The following SLC4A4 variants were observed in gnomAD, a reference collection of about 807,000 sequenced individuals.
SLC4A4 encodes the protein solute carrier family 4 member 4.
Under a neutral mutation model 111.5 loss-of-function variants are expected in SLC4A4, and 27 were observed. The ratio of observed to expected loss-of-function variants is 0.24; its 90% CI spans 0.18 to 0.33. The LOEUF (loss-of-function observed/expected upper bound fraction) is 0.33. Ranked by LOEUF, SLC4A4 falls within the 10% of genes least tolerant of loss-of-function variation. The pLI is 1.00. For missense variants in SLC4A4, 909 were observed against 1,315.5 expected, an observed-to-expected ratio of 0.69 and a Z score of 4.78; for synonymous variants, 443 against 463.4, an observed-to-expected ratio of 0.96 and a Z score of 0.57.
intron 7 of SLC4A4, among the ~76,000 whole-genome samples, chr4:71,418,383 A>G (rs1722011358): frequency 6.6e-6 from 1 of 152,216 alleles, no homozygotes. Flanking sequence ...AAGTAAAAAC[A>G]TGTCACCAGA....
chr4:71,097,225 T>C (rs1742583585), intron 2 of SLC4A4, among the ~76,000 whole-genome samples: 1 of 152,166 alleles, frequency 6.6e-6, no homozygotes, highest in South Asian at 2.1e-4. Context: ...CTCTTTGTGT[T>C]CATGAGTGCT....
chr4:71,452,066 T>C (rs980692564), intron 11 of SLC4A4, among the ~76,000 whole-genome samples: 1 of 147,314 alleles, frequency 6.8e-6, no homozygotes. Context: ...ATACTTATTT[T>C]ATGAAGATAT....
chr4:71,454,515 T>C (rs1177258925), intron 12 of SLC4A4, among the ~76,000 whole-genome samples: 1 of 152,142 alleles, frequency 6.6e-6, no homozygotes, highest in East Asian at 1.9e-4. Context: ...TTGTATAACC[T>C]ATGTGGTATT....
intron 3 of SLC4A4, chr4:71,300,437 G>T: frequency 4.2e-6 from 1 of 238,036 alleles, no homozygotes; most frequent in South Asian, 7.4e-5. Context: ...CAGCGGACAT[G>T]ACAGGAGCAG....
At chr4:71,512,426 G>C (rs1468386403) in intron 16 of SLC4A4, among the ~76,000 whole-genome samples, 1 of 151,982 alleles carries the variant, frequency 6.6e-6, no homozygotes, top group East Asian at 1.9e-4. Context: ...TATACCTGTT[G>C]GCTGTTACTG....
chr4:71,561,461 T>G (rs1279936086), intron 23 of SLC4A4, among the ~76,000 whole-genome samples: 1 of 151,830 alleles, frequency 6.6e-6, no homozygotes, highest in African/African-American at 2.4e-5. Flanking sequence ...TATTTCTAAC[T>G]GGTCAGGCTA....
intron 6 of SLC4A4, among the ~76,000 whole-genome samples, chr4:71,381,338 C>T (rs952523401): frequency 6.6e-5 from 10 of 152,092 alleles, no homozygotes; most frequent in African/African-American, 2.4e-4. Flanking sequence ...CCTGAGAGCA[C>T]CTTTGAATAA....
intron 7 of SLC4A4, among the ~76,000 whole-genome samples, chr4:71,419,602 C>A: frequency 6.6e-6 from 1 of 152,332 alleles, no homozygotes; most frequent in East Asian, 1.9e-4. Context: ...GTCTGTCACT[C>A]CTTTCTTTGA....
chr4:71,197,179 C>T (rs1052698898), intron 1 of SLC4A4, among the ~76,000 whole-genome samples: 1 of 151,822 alleles, frequency 6.6e-6, no homozygotes, highest in African/African-American at 2.4e-5. Flanking sequence ...CGCACCACTG[C>T]ACTCCAGCCT....
chr4:71,326,215 C>T (rs1273843286), intron 3 of SLC4A4, among the ~76,000 whole-genome samples: 2 of 151,888 alleles, frequency 1.3e-5, no homozygotes, highest in Middle Eastern at 3.4e-3. Context: ...TGATATCTAT[C>T]AGACTTACTT....
At chr4:71,382,980 G>A (rs1454660871) in intron 6 of SLC4A4, among the ~76,000 whole-genome samples, 1 of 152,048 alleles carries the variant, frequency 6.6e-6, no homozygotes, top group Non-Finnish European at 1.5e-5. Context: ...GCAGAAAATG[G>A]ATTTTTTTAA....
intron 13 of SLC4A4, among the ~76,000 whole-genome samples, chr4:71,472,345 C>T (rs111266991): frequency 6.0e-4 from 91 of 151,954 alleles, no homozygotes; most frequent in African/African-American, 1.9e-3. Flanking sequence ...CTCATACAAA[C>T]GTTTATTGAA....
chr4:71,445,039 T>C (rs1376411010), intron 8 of SLC4A4, among the ~76,000 whole-genome samples: 6 of 152,188 alleles, frequency 3.9e-5, no homozygotes, highest in Non-Finnish European at 8.8e-5. Context: ...AAAAATTGCA[T>C]TACCCAGGAA....
At chr4:71,106,209 T>A (rs11947603) in intron 2 of SLC4A4, among the ~76,000 whole-genome samples, 15 of 150,750 alleles carry the variant, frequency 1.0e-4, no homozygotes, top group African/African-American at 2.4e-4. Context: ...AATGCAAATC[T>A]AAACCACAAT....
intron 3 of SLC4A4, among the ~76,000 whole-genome samples, chr4:71,305,994 T>C (rs1490134675): frequency 6.6e-6 from 1 of 152,250 alleles, no homozygotes; most frequent in Admixed American, 6.5e-5. Context: ...TTGAGTGCAG[T>C]GTCCAACACA....
intron 17 of SLC4A4, among the ~76,000 whole-genome samples, chr4:71,532,760 A>G (rs558062309): frequency 6.6e-6 from 1 of 152,262 alleles, no homozygotes; most frequent in East Asian, 1.9e-4. Flanking sequence ...TTGAAGCTCA[A>G]AGAATTAAGT....
intron 16 of SLC4A4, among the ~76,000 whole-genome samples, chr4:71,508,681 C>G (rs1335774540): frequency 6.6e-6 from 1 of 152,078 alleles, no homozygotes; most frequent in Non-Finnish European, 1.5e-5. Context: ...ACCAGATGTA[C>G]AAAGAAGAGC....
chr4:71,178,241 T>C (rs1745157980), intron 2 of SLC4A4, among the ~76,000 whole-genome samples: 1 of 151,540 alleles, frequency 6.6e-6, no homozygotes, highest in South Asian at 2.1e-4. Context: ...AGATCTAAAA[T>C]TGACACCCTA....
intron 1 of SLC4A4, among the ~76,000 whole-genome samples, chr4:71,199,702 T>C (rs1746163165): frequency 6.6e-6 from 1 of 152,096 alleles, no homozygotes; most frequent in Non-Finnish European, 1.5e-5. Flanking sequence ...CAGGCTGGAG[T>C]GCAGTGGCGC....
Sources: gnomAD v4.1 joint callset for allele counts (sites outside exome capture counted in the v4.1 genomes callset) on GRCh38, gnomAD v4.1.1 for gene constraint, MANE v1.5 for transcripts, NCBI Gene and HGNC (gene_info 2026-07-23, HGNC 2026-07-21) for gene names.